DLGAP2: variants seen among roughly 807,000 people sequenced by gnomAD.
DLGAP2 encodes the protein DLG associated protein 2.
Under a neutral mutation model 100.3 loss-of-function variants are expected in DLGAP2, and 26 were observed. The observed-to-expected ratio is 0.26, with a 90% CI of 0.19 to 0.36. The LOEUF is 0.36. DLGAP2 is among the 10% of genes least tolerant of loss of function. The pLI is 1.00. For synonymous variants in DLGAP2, 886 were observed against 630.1 expected, an observed-to-expected ratio of 1.41 and a Z score of -6.08; for missense variants, 1,858 against 1,453.2, an observed-to-expected ratio of 1.28 and a Z score of -4.53.
chr8:864,186 G>A (rs536027292), intron 1 of DLGAP2, among the ~76,000 whole-genome samples: 2 of 152,284 alleles, frequency 1.3e-5, no homozygotes, highest in South Asian at 4.1e-4. Flanking sequence ...CTGGGGACTA[G>A]GGGAGGTGGG....
intron 5 of DLGAP2, among the ~76,000 whole-genome samples, chr8:1,559,083 A>C (rs911858804): frequency 3.3e-5 from 5 of 152,236 alleles, no homozygotes; most frequent in African/African-American, 1.2e-4. Context: ...TCCCTAAAGC[A>C]AGTAACAGGA....
intron 1 of DLGAP2, among the ~76,000 whole-genome samples, chr8:773,638 A>G (rs1485042519): frequency 6.6e-6 from 1 of 151,250 alleles, no homozygotes; most frequent in African/African-American, 2.4e-5. Context: ...GAGAATGATG[A>G]TTTCCAATTT....
chr8:1,525,658 G>T (rs1800770169), intron 4 of DLGAP2, among the ~76,000 whole-genome samples: 2 of 152,246 alleles, frequency 1.3e-5, no homozygotes, highest in South Asian at 4.1e-4. Context: ...AGATTCTAAT[G>T]CTGGGAGGTT....
chr8:878,609 G>T (rs533588047), intron 1 of DLGAP2, among the ~76,000 whole-genome samples: 1 of 152,222 alleles, frequency 6.6e-6, no homozygotes, highest in African/African-American at 2.4e-5. Flanking sequence ...ACTGAGGCTT[G>T]GTCCCCAGTG....
At chr8:1,384,263 G>A (rs1193955156) in intron 3 of DLGAP2, among the ~76,000 whole-genome samples, 3 of 152,256 alleles carry the variant, frequency 2.0e-5, no homozygotes, top group African/African-American at 7.2e-5. Context: ...AATTGTGACT[G>A]CACAGTCGCT....
At position 1,153,567 on chromosome 8, in the gene DLGAP2, C is replaced by T. The variant is rs563143321; in HGVS notation, c.74-105284C>T. Among the ~76,000 whole-genome samples, 13 of 152,172 alleles carry T rather than the reference C, an allele frequency of 8.5e-5. No individual in the cohort carries two copies. In the South Asian group the frequency reaches 1.9e-3, roughly 22 times the overall value. On this transcript the variant is annotated intron_variant, in intron 2 of 14. Coordinates refer to ENST00000637795, the MANE Select transcript of DLGAP2 (RefSeq NM_001346810.2). Reference sequence around the variant, plus strand: ...ACCGAGTTAATTAACCTGTTTTTATCCTCTTTTTCATTAGAGTAAAATTAT... The same window carrying T: ...ACCGAGTTAATTAACCTGTTTTTATTCTCTTTTTCATTAGAGTAAAATTAT...
In DLGAP2 at chr8:1,551,670, G is replaced by C. The variant is rs527378610; in HGVS notation, c.1230+1987G>C. ...AGCCCCTTTCAAAAACCATCCCTCC[G>C]AAAGTGACCTCATTCCATCTGCACT... On this transcript the variant is annotated intron_variant, in intron 5 of 14. Coordinates refer to ENST00000637795, the MANE Select transcript of DLGAP2 (RefSeq NM_001346810.2). Among the ~76,000 whole-genome samples, 46 of 152,220 alleles carry C rather than the reference G, an allele frequency of 3.0e-4. No homozygotes were observed. In the South Asian group the frequency reaches 7.1e-3, roughly 23 times the overall value.
chr8:1,388,404 G>C (rs1206040859), intron 3 of DLGAP2, among the ~76,000 whole-genome samples: 4 of 82,966 alleles, frequency 4.8e-5, no homozygotes, highest in Admixed American at 1.3e-4. Context: ...TGAGAGCAGA[G>C]GCCGTGGATG....
intron 3 of DLGAP2, among the ~76,000 whole-genome samples, chr8:1,297,706 A>G (rs1800219028): frequency 7.5e-6 from 1 of 132,578 alleles, no homozygotes; most frequent in Admixed American, 7.7e-5. Context: ...ACCACGTGAG[A>G]CAGGGAGGAG....
chr8:979,121 C>T (rs149289072), intron 2 of DLGAP2, among the ~76,000 whole-genome samples: 2 of 152,180 alleles, frequency 1.3e-5, no homozygotes, highest in African/African-American at 4.8e-5. Flanking sequence ...ATGGCGAGTG[C>T]AGTTCTTGAA....
chr8:1,497,360 A>G (rs1799578715), intron 3 of DLGAP2, among the ~76,000 whole-genome samples: 1 of 152,184 alleles, frequency 6.6e-6, no homozygotes, highest in African/African-American at 2.4e-5. Flanking sequence ...TGGGAAGTAA[A>G]GAGGCTAGGT....
chr8:1,571,922 T>G (rs1320796841), intron 6 of DLGAP2, among the ~76,000 whole-genome samples: 3 of 95,536 alleles, frequency 3.1e-5, no homozygotes, highest in Admixed American at 1.1e-4. Flanking sequence ...GGGTAAACTG[T>G]GGGGGCGTCT....
At chr8:1,526,298 G>T (rs972497736) in intron 4 of DLGAP2, among the ~76,000 whole-genome samples, 6 of 151,814 alleles carry the variant, frequency 4.0e-5, no homozygotes, top group African/African-American at 1.5e-4. Context: ...CCTCACCTGC[G>T]TTAACCTTCC....
intron 1 of DLGAP2, among the ~76,000 whole-genome samples, chr8:875,061 A>C (rs1169565222): frequency 1.3e-5 from 2 of 152,142 alleles, no homozygotes; most frequent in East Asian, 1.9e-4. Context: ...CAATGTAGCT[A>C]TTCTAGCTTT....
chr8:1,342,477 C>G (rs1057507361), intron 3 of DLGAP2, among the ~76,000 whole-genome samples: 24 of 151,792 alleles, frequency 1.6e-4, no homozygotes, highest in African/African-American at 2.7e-4. Flanking sequence ...GTTCAGCTAA[C>G]TTTTTCTGTG....
intron 2 of DLGAP2, among the ~76,000 whole-genome samples, chr8:1,183,906 A>C (rs1029274003): frequency 6.6e-5 from 10 of 152,276 alleles, no homozygotes; most frequent in Admixed American, 3.9e-4. Context: ...TCTATTTATC[A>C]AATAGGAATA....
chr8:1,002,525 C>A (rs529011999), intron 2 of DLGAP2: 1 of 152,286 alleles, frequency 6.6e-6, no homozygotes, highest in Admixed American at 6.5e-5. Context: ...GGGCTGGGTA[C>A]CTGGAAGCTC....
At chr8:1,534,805 T>TGC (rs1801102304) in intron 4 of DLGAP2, among the ~76,000 whole-genome samples, 2 of 152,306 alleles carry the variant, frequency 1.3e-5, no homozygotes, top group Non-Finnish European at 2.9e-5. Flanking sequence ...TAAGTGTGTG[T>TGC]GCGCGTGATG....
chr8:1,271,100 C>G (rs1393311204), intron 3 of DLGAP2, among the ~76,000 whole-genome samples: 1 of 152,040 alleles, frequency 6.6e-6, no homozygotes, highest in Non-Finnish European at 1.5e-5. Context: ...TTAATTTTGG[C>G]AAACTAACCA....
Sources: gnomAD v4.1 joint callset for allele counts (sites outside exome capture counted in the v4.1 genomes callset) on GRCh38, gnomAD v4.1.1 for gene constraint, MANE v1.5 for transcripts, NCBI Gene and HGNC (gene_info 2026-07-23, HGNC 2026-07-21) for gene names.